The following TTYH3 variants were observed in gnomAD, a reference collection of about 807,000 sequenced individuals.
The protein encoded by TTYH3 is tweety family member 3, also known as protein tweety homolog 3.
A neutral mutation model predicts 68.2 loss-of-function variants in TTYH3; 23 were observed. The observed-to-expected ratio is 0.34, with a 90% CI of 0.24 to 0.48. TTYH3 has a LOEUF of 0.48. Ranked by LOEUF, TTYH3 falls within the 20% of genes least tolerant of loss-of-function variation. The probability of loss-of-function intolerance (pLI) is 0.99; values close to 1 mark genes in which losing one functional copy is unlikely to be tolerated. For missense variants in TTYH3, 768 were observed against 727.7 expected, an observed-to-expected ratio of 1.06 and a Z score of -0.64; for synonymous variants, 360 against 332.8, an observed-to-expected ratio of 1.08 and a Z score of -0.89.
intron 1 of TTYH3, among the ~76,000 whole-genome samples, chr7:2,642,766 T>TA (rs1785883125): frequency 2.7e-5 from 4 of 148,036 alleles, no homozygotes; most frequent in African/African-American, 1.0e-4. Context: ...TTTTTTTTTT[T>TA]AAATCGTAGA....
At chr7:2,634,026 C>T (rs1033944039) in intron 1 of TTYH3, among the ~76,000 whole-genome samples, 3 of 152,250 alleles carry the variant, frequency 2.0e-5, no homozygotes, top group African/African-American at 7.2e-5. Flanking sequence ...GCTTCTGCCC[C>T]CTTTCCTCCC....
chr7:2,661,859 G>A lies in TTYH3; in HGVS notation c.*120G>A, dbSNP rs896884766. The A allele has an allele frequency of 8.6e-5, 96 of 1,113,676 alleles. No individual in the cohort carries two copies. In the Admixed American group the frequency reaches 1.2e-3, roughly 14 times the overall value. 69.0% of individuals were successfully genotyped at this position (1,113,676 alleles called of 1,614,324 possible). On this transcript the variant is annotated 3_prime_UTR_variant, in exon 14 of 14. Transcript: ENST00000258796. Reference sequence around the variant, plus strand: ...GCCGTGCCAGGCCTGCCCCAGACGCGTCTGCAGGCCGCTTGCCCTCCTGTC... The same window carrying A: ...GCCGTGCCAGGCCTGCCCCAGACGCATCTGCAGGCCGCTTGCCCTCCTGTC...
In TTYH3 at chr7:2,656,504, G is replaced by C. The variant is rs200184900; in HGVS notation, c.1220G>C (p.Cys407Ser). Residue 407 changes from cysteine to serine, a missense_variant, in exon 11 of 14, where the codon TGC (cysteine) becomes TCC (serine). Physicochemically the swap from Cys to Ser is moderately radical, Grantham distance 112 (BLOSUM62 -1). Coordinates refer to ENST00000258796, the MANE Select transcript of TTYH3 (RefSeq NM_025250.3). ...VTALMFSSIV[C>S]SVPHTWQQKR... ...GCCCTCATGTTCAGCTCCATCGTCT[G>C]CAGCGTCCCGCACACCTGGCAGCAA... 2.0e-4 allele frequency: 326 copies of C among 1,608,690 alleles called. 4 individuals carry two copies. Among genetic ancestry groups the C allele is most frequent in the Non-Finnish European group, 2.5e-4 (293 of 1,178,372 alleles).
chr7:2,651,530 C>T (rs539244254), intron 7 of TTYH3, among the ~76,000 whole-genome samples: 6 of 152,240 alleles, frequency 3.9e-5, no homozygotes, highest in Admixed American at 1.3e-4. Flanking sequence ...CTGTAGCCGG[C>T]GGCCTTTGGG....
chr7:2,660,791 G>T (rs550229097), intron 13 of TTYH3, among the ~76,000 whole-genome samples: 24 of 152,278 alleles, frequency 1.6e-4, no homozygotes, highest in Middle Eastern at 3.4e-3. Flanking sequence ...TGGGATGGGA[G>T]CCAGCCTGCC....
At position 2,660,715 on chromosome 7, in the gene TTYH3, G is replaced by A. The variant is rs144398450; in HGVS notation, c.1501-953G>A. The stretch of plus-strand genomic sequence containing the variant: ...AGGAGGGCCCTCGGGGACCCGGGGA[G>A]CTCTGTGCCTCTGAGTCTGGGGACT... On this transcript the variant is annotated intron_variant, in intron 13 of 13. Coordinates refer to ENST00000258796, the MANE Select transcript of TTYH3 (RefSeq NM_025250.3). Among the ~76,000 whole-genome samples, 122 of 152,240 alleles carry A rather than the reference G, an allele frequency of 8.0e-4. 1 individual carries two copies. The highest frequency in any genetic ancestry group is 2.6e-3 in the African/African-American group (109 of 41,542).
chr7:2,650,723 A>G (rs987277063), intron 7 of TTYH3, among the ~76,000 whole-genome samples: 5 of 151,996 alleles, frequency 3.3e-5, no homozygotes, highest in Non-Finnish European at 5.9e-5. Flanking sequence ...GGGGGAGGCC[A>G]TTGGAGGGAG....
intron 13 of TTYH3, among the ~76,000 whole-genome samples, chr7:2,661,314 G>A (rs1786488375): frequency 1.3e-5 from 2 of 152,178 alleles, no homozygotes; most frequent in Admixed American, 6.5e-5. Flanking sequence ...TAGGGCCTTG[G>A]AGCTGTGGCT....
chr7:2,640,975 T>C (rs1785826087), intron 1 of TTYH3, among the ~76,000 whole-genome samples: 1 of 152,170 alleles, frequency 6.6e-6, no homozygotes, highest in Non-Finnish European at 1.5e-5. Flanking sequence ...GGGTCTCTAA[T>C]ATCCTGGGGA....
At chr7:2,638,067 G>A (rs541533714) in intron 1 of TTYH3, among the ~76,000 whole-genome samples, 21 of 152,312 alleles carry the variant, frequency 1.4e-4, no homozygotes, top group African/African-American at 2.4e-5. Context: ...CTGAAGTTCT[G>A]GGGTGCACCC....
At chr7:2,643,155 A>C (rs1785895629) in intron 1 of TTYH3, among the ~76,000 whole-genome samples, 1 of 151,640 alleles carries the variant, frequency 6.6e-6, no homozygotes, top group African/African-American at 2.4e-5. Flanking sequence ...GGAAATCGAG[A>C]GCATCCTGGC....
chr7:2,633,345 T>A (rs1785574097), intron 1 of TTYH3, among the ~76,000 whole-genome samples: 1 of 152,150 alleles, frequency 6.6e-6, no homozygotes, highest in Non-Finnish European at 1.5e-5. Flanking sequence ...CTGCGTTGTC[T>A]GTGGCCTCCC....
At chr7:2,660,470 G>C in intron 13 of TTYH3, 2 of 985,434 alleles carry the variant, frequency 2.0e-6, no homozygotes, top group South Asian at 9.4e-5. Context: ...CGGCGAGCAC[G>C]TGAGCTTCTC....
intron 5 of TTYH3, among the ~76,000 whole-genome samples, chr7:2,649,051 G>A (rs1786086811): frequency 6.6e-6 from 1 of 152,050 alleles, no homozygotes; most frequent in South Asian, 2.1e-4. Flanking sequence ...CTGCAGTGGG[G>A]TATGCACAGG....
chr7:2,657,267 T>C (rs1786359424), intron 11 of TTYH3, among the ~76,000 whole-genome samples: 1 of 152,220 alleles, frequency 6.6e-6, no homozygotes, highest in Non-Finnish European at 1.5e-5. Flanking sequence ...TCTGGATTTC[T>C]ATTATTTTCC....
In TTYH3 at chr7:2,663,564, G is replaced by A. The variant is rs1786547654; in HGVS notation, c.*1825G>A. Reference sequence around the variant, plus strand: ...TGGCTGACATTCTGAGCCCCCCTCGGAGGCCCCGCCACAGCCAACCTGCCC... The same window carrying A: ...TGGCTGACATTCTGAGCCCCCCTCGAAGGCCCCGCCACAGCCAACCTGCCC... On this transcript the variant is annotated 3_prime_UTR_variant, in exon 14 of 14. Transcript: ENST00000258796. 6.6e-6 allele frequency: 1 copy of A among 152,554 alleles called. No homozygotes were observed. Among genetic ancestry groups the A allele is most frequent in the African/African-American group, 2.4e-5 (1 of 41,444 alleles). 9.5% of individuals were successfully genotyped at this position (152,554 alleles called of 1,614,324 possible).
At position 2,658,428 on chromosome 7, in the gene TTYH3, A is replaced by C; in HGVS notation, c.1393A>C (p.Thr465Pro). The change falls in exon 12 of 14, where the codon ACC (threonine) becomes CCC (proline). Residue 465 changes from threonine to proline, a missense_variant. Transcript: ENST00000258796. Reference sequence around the variant, plus strand: ...GACCAGCATCCCGGCCGCGGCCCACACCGTCAGCAACGCCCCGGTCACTGA... The same window carrying C: ...GACCAGCATCCCGGCCGCGGCCCACCCCGTCAGCAACGCCCCGGTCACTGA... The part of the protein sequence containing the change: ...SETSIPAAAH[T>P]VSNAPVTEYM... 2 of 1,612,194 alleles carry C rather than the reference A, an allele frequency of 1.2e-6. No individual in the cohort carries two copies. The highest frequency in any genetic ancestry group is 1.7e-6 in the Non-Finnish European group (2 of 1,179,600).
At position 2,652,070 on chromosome 7, in the gene TTYH3, C is replaced by T. The variant is rs747094734; in HGVS notation, c.872-117C>T. The T allele has an allele frequency of 9.6e-6, 8 of 829,526 alleles. No homozygotes were observed. The East Asian group carries it at 1.6e-4, about 16-fold the overall frequency. The allele number at this position is 829,526 out of a possible 1,614,324, so 51.4% of individuals were successfully genotyped here. A position where few individuals can be genotyped will look rare whatever the true frequency, so the allele number is the denominator to read the frequency against. ...ACAGGTGCACACAGACACACATGCA[C>T]ACATGTAAACATGCACGCAGATGCC... is the stretch of plus-strand genomic sequence containing the variant. On this transcript the variant is annotated intron_variant, in intron 7 of 13. Coordinates refer to ENST00000258796, the MANE Select transcript of TTYH3 (RefSeq NM_025250.3).
rs1262482455 is a variant in TTYH3, at chr7:2,649,910, C to T, written c.796-3C>T. ...CCCTCTTGCTTGCCCACGCCCACCTCAGGGCTCCAGCGACTTCTGTGTGGA... is the reference window on the plus strand; with the variant it reads ...CCCTCTTGCTTGCCCACGCCCACCTTAGGGCTCCAGCGACTTCTGTGTGGA... On this transcript the variant is annotated splice_region_variant and splice_polypyrimidine_tract_variant and intron_variant, in intron 6 of 13. Coordinates refer to ENST00000258796, the MANE Select transcript of TTYH3 (RefSeq NM_025250.3). The T allele has an allele frequency of 1.2e-6, 2 of 1,613,870 alleles. No homozygotes were observed. The highest frequency in any genetic ancestry group is 1.7e-6 in the Non-Finnish European group (2 of 1,179,916).
Sources: allele counts gnomAD v4.1 joint callset (sites outside exome capture counted in the v4.1 genomes callset), GRCh38; gene constraint gnomAD v4.1.1; transcripts MANE v1.5; gene names NCBI Gene and HGNC (gene_info 2026-07-23, HGNC 2026-07-21).